The following SPIRE1 variants were observed in gnomAD, a reference collection of about 807,000 sequenced individuals.
SPIRE1 encodes the protein protein spire homolog 1.
In SPIRE1, 40 loss-of-function variants were observed where a neutral mutation model predicts 94.1. That is an observed-to-expected ratio of 0.43 (90% CI 0.33 to 0.55). The LOEUF (loss-of-function observed/expected upper bound fraction) is 0.55. Among genes scored for constraint, SPIRE1 ranks in the 20% least tolerant of loss-of-function variants. The pLI, the probability that SPIRE1 is intolerant of heterozygous loss-of-function variation, is 0.06. For missense variants in SPIRE1, 838 were observed against 975.2 expected, an observed-to-expected ratio of 0.86 and a Z score of 1.87; for synonymous variants, 376 against 371.7, an observed-to-expected ratio of 1.01 and a Z score of -0.13.
intron 6 of SPIRE1, among the ~76,000 whole-genome samples, chr18:12,503,664 T>TCCCTCTCCTA (rs1375412784): frequency 6.7e-6 from 1 of 148,560 alleles, no homozygotes; most frequent in Admixed American, 6.6e-5. Context: ...GCCAAAATAC[T>TCCCTCTCCTA]GGAAGCTTTG....
chr18:12,494,399 C>G (rs2033358514), intron 7 of SPIRE1, among the ~76,000 whole-genome samples: 1 of 152,070 alleles, frequency 6.6e-6, no homozygotes. Flanking sequence ...TTCACATGGT[C>G]CATGCTCCTT....
At chr18:12,496,153 T>G in intron 6 of SPIRE1, 51 bp from the exon 7 acceptor site, 3 of 1,300,344 alleles carry the variant, frequency 2.3e-6, no homozygotes, top group Non-Finnish European at 3.3e-6. Context: ...AAGACTATCA[T>G]GAATTTCTGG....
At position 12,536,386 on chromosome 18, in the gene SPIRE1, C is replaced by T. The variant is rs529817388; in HGVS notation, c.604-785G>A. On this transcript the variant is annotated intron_variant, in intron 3 of 16. Transcript: ENST00000409402. The stretch of plus-strand genomic sequence containing the variant: ...AAAAGAAACTGAGGCTAAGAGGAGT[C>T]ACATGACTTGTCTGTCCATAGTCAC... 8.5e-4 allele frequency among the ~76,000 whole-genome samples: 130 copies of T among 152,188 alleles called. 1 individual carries two copies. The South Asian group carries it at 0.027, about 31-fold the overall frequency.
At chr18:12,640,478 A>C (rs2038054560) in intron 1 of SPIRE1, among the ~76,000 whole-genome samples, 1 of 152,168 alleles carries the variant, frequency 6.6e-6, no homozygotes, top group Non-Finnish European at 1.5e-5. Context: ...ACTCATAAGC[A>C]CTGATGACAC....
chr18:12,622,502 A>G lies in SPIRE1; in HGVS notation c.372+12560T>C, dbSNP rs2037503138. ...CAGTGGCGCGATCTTGGCTCACTGC[A>G]AGCTCCGCCTCCCCGGTTCACGCCA... On this transcript the variant is annotated intron_variant, in intron 2 of 16. Coordinates refer to ENST00000409402, the MANE Select transcript of SPIRE1 (RefSeq NM_001128626.2). Among the ~76,000 whole-genome samples the G allele has an allele frequency of 2.1e-5, 3 of 144,532 alleles. No homozygotes were observed. The South Asian group carries it at 6.6e-4, about 32-fold the overall frequency. The allele number at this position is 144,532 out of a possible 152,430, so 94.8% of individuals were successfully genotyped here.
chr18:12,576,384 C>G (rs1423350589), intron 2 of SPIRE1, among the ~76,000 whole-genome samples: 9 of 151,356 alleles, frequency 5.9e-5, no homozygotes, highest in Admixed American at 4.6e-4. Context: ...AAACTCAAGA[C>G]CAGCCTGGCC....
chr18:12,625,206 A>G (rs1244151159), intron 2 of SPIRE1, among the ~76,000 whole-genome samples: 1 of 152,104 alleles, frequency 6.6e-6, no homozygotes, highest in Non-Finnish European at 1.5e-5. Flanking sequence ...TAAAATTGAC[A>G]CTCGGAAGCG....
rs192557209 is a variant in SPIRE1 at position 12,650,492 on chromosome 18, T to C, written c.337+7038A>G. 1.1e-3 allele frequency among the ~76,000 whole-genome samples: 169 copies of C among 152,010 alleles called. 1 individual carries two copies. The highest frequency in any genetic ancestry group is 6.8e-3 in the East Asian group (35 of 5,162). On this transcript the variant is annotated intron_variant, in intron 1 of 16. Coordinates refer to ENST00000409402, the MANE Select transcript of SPIRE1 (RefSeq NM_001128626.2). ...TTGGGAGGCCGAGGTGGGTGGATCATGAGGTCAGGAGTTCGAGACCATCCT... is the reference window on the plus strand; with the variant it reads ...TTGGGAGGCCGAGGTGGGTGGATCACGAGGTCAGGAGTTCGAGACCATCCT...
Position 12,599,197 on chromosome 18 carries a change from C to T in SPIRE1, c.372+35865G>A, listed in dbSNP as rs78127237. 9.2e-3 allele frequency among the ~76,000 whole-genome samples: 1,397 copies of T among 152,270 alleles called. 28 individuals are homozygous for T. Among genetic ancestry groups the T allele is most frequent in the African/African-American group, 0.032 (1,349 of 41,552 alleles). On this transcript the variant is annotated intron_variant, in intron 2 of 16. Transcript: ENST00000409402. ...AAATTTCAACTGTTCCCCAAACATG[C>T]TCTTTGTACTATCCTTCCTAACCCA...
At chr18:12,606,561 T>C (rs1178498970) in intron 2 of SPIRE1, among the ~76,000 whole-genome samples, 4 of 151,754 alleles carry the variant, frequency 2.6e-5, no homozygotes, top group Non-Finnish European at 5.9e-5. Context: ...GACAGGGTCT[T>C]ACTCTGTCGC....
chr18:12,466,018 C>T (rs1047089021), intron 10 of SPIRE1, among the ~76,000 whole-genome samples: 2 of 150,002 alleles, frequency 1.3e-5, no homozygotes, highest in Non-Finnish European at 3.0e-5. Flanking sequence ...GGGGAGGCAG[C>T]GGTTGTAGTG....
rs1278055159 is a variant in SPIRE1, at chr18:12,559,262, A to C, written c.373-12358T>G. Among the ~76,000 whole-genome samples the C allele has an allele frequency of 1.3e-5, 2 of 152,098 alleles. No homozygotes were observed. Among genetic ancestry groups the C allele is most frequent in the Non-Finnish European group, 2.9e-5 (2 of 67,986 alleles). The stretch of plus-strand genomic sequence containing the variant: ...GGGAGGCAGCTGAGGCCTAGTGAGA[A>C]TTCGAGCACAGTGCAGGCGGGCCAG... On this transcript the variant is annotated intron_variant, in intron 2 of 16. Coordinates refer to ENST00000409402, the MANE Select transcript of SPIRE1 (RefSeq NM_001128626.2). The surrounding 1 kb of genome is among the most constrained non-coding windows in gnomAD (Gnocchi z 4.7).
chr18:12,506,543 C>A lies in SPIRE1; in HGVS notation c.906G>T (p.Gln302His), dbSNP rs1213823247. The A allele has an allele frequency of 1.9e-6, 3 of 1,613,826 alleles. No homozygotes were observed. Among genetic ancestry groups the A allele is most frequent in the Non-Finnish European group, 2.5e-6 (3 of 1,179,916 alleles). ...CCATTAACATCTCATAAGGGGTGAG[C>A]TGATATTCAATGGGCAAAGGGTTGT... ...RQYNPLPIEY[Q>H]LTPYEMLMDD... The change falls in exon 6 of 17, where the codon CAG (glutamine) becomes CAT (histidine). Residue 302 changes from glutamine (Q) to histidine (H), a missense_variant. Gln to His is a conservative substitution (Grantham distance 24). This residue lies in a region of SPIRE1 where 645 missense variants were observed against 804.7 expected (regional missense o/e 0.80). Transcript: ENST00000409402.
intron 1 of SPIRE1, among the ~76,000 whole-genome samples, chr18:12,657,008 G>T (rs1023554784): frequency 2.0e-5 from 3 of 152,226 alleles, no homozygotes; most frequent in African/African-American, 7.2e-5. Context: ...TTTCCGAACC[G>T]AGGAAAGGCT....
intron 4 of SPIRE1, among the ~76,000 whole-genome samples, chr18:12,533,319 C>G (rs1487723976): frequency 6.7e-6 from 1 of 149,606 alleles, no homozygotes; most frequent in East Asian, 2.0e-4. Flanking sequence ...CACCTGTCAG[C>G]TTTTTCTTTA....
In SPIRE1 at chr18:12,495,529, T is replaced by C. The variant is rs115735587; in HGVS notation, c.1059+487A>G. Among the ~76,000 whole-genome samples, 584 of 152,290 alleles carry C rather than the reference T, an allele frequency of 3.8e-3. 2 individuals are homozygous for C. The highest frequency in any genetic ancestry group is 0.014 in the African/African-American group (564 of 41,560). ...ATTTTGCACCATGACCCAGGTTGTT[T>C]TGAGTAAAAGTATCCTAAGACAGCC... On this transcript the variant is annotated intron_variant, in intron 7 of 16. Transcript: ENST00000409402.
At chr18:12,553,329 G>T (rs531923884) in intron 2 of SPIRE1, among the ~76,000 whole-genome samples, 1 of 152,280 alleles carries the variant, frequency 6.6e-6, no homozygotes, top group African/African-American at 2.4e-5. Context: ...ATCTGCACTG[G>T]GCCAGAGGGG....
At chr18:12,620,593 G>A (rs940062950) in intron 2 of SPIRE1, among the ~76,000 whole-genome samples, 3 of 152,126 alleles carry the variant, frequency 2.0e-5, no homozygotes, top group Non-Finnish European at 4.4e-5. Context: ...GTGTCTATTA[G>A]ATATCCACAC....
At chr18:12,529,761 A>C (rs2034631897) in intron 4 of SPIRE1, among the ~76,000 whole-genome samples, 1 of 152,206 alleles carries the variant, frequency 6.6e-6, no homozygotes, top group Non-Finnish European at 1.5e-5. Flanking sequence ...AGGAAGAGAA[A>C]ATTTTCATCA....
Sources: gnomAD v4.1 joint callset for allele counts (sites outside exome capture counted in the v4.1 genomes callset) on GRCh38, gnomAD v4.1.1 for gene constraint, gnomAD v4.1.1 regional missense constraint, Gnocchi (gnomAD v3.1) non-coding constraint, MANE v1.5 for transcripts, NCBI Gene and HGNC (gene_info 2026-07-23, HGNC 2026-07-21) for gene names.